ROBO1: variants seen among roughly 807,000 people sequenced by gnomAD.
ROBO1 encodes roundabout homolog 1.
In ROBO1, 149 loss-of-function variants were observed where a neutral mutation model predicts 195.9. The ratio of observed to expected loss-of-function variants is 0.76; its 90% CI spans 0.67 to 0.87. ROBO1 has a LOEUF of 0.87. ROBO1 is among the 40% of genes least tolerant of loss of function. The pLI is 0.00. For missense variants in ROBO1, 1,933 were observed against 2,068.3 expected, an observed-to-expected ratio of 0.93 and a Z score of 1.27; for synonymous variants, 816 against 733.2, an observed-to-expected ratio of 1.11 and a Z score of -1.82.
At chr3:79,088,783 T>G (rs1371770686) in intron 3 of ROBO1, among the ~76,000 whole-genome samples, 3 of 152,124 alleles carry the variant, frequency 2.0e-5, no homozygotes, top group Non-Finnish European at 2.9e-5. Context: ...AAGCTTATTT[T>G]GGGAATGCTT....
intron 2 of ROBO1, among the ~76,000 whole-genome samples, chr3:79,237,367 G>T (rs1165301666): frequency 6.6e-6 from 1 of 151,912 alleles, no homozygotes; most frequent in Non-Finnish European, 1.5e-5. Flanking sequence ...TGTAGTCCCA[G>T]CTACTCGGGA....
chr3:79,425,754 A>T (rs1258339433), intron 2 of ROBO1, among the ~76,000 whole-genome samples: 1 of 151,824 alleles, frequency 6.6e-6, no homozygotes, highest in Admixed American at 6.6e-5. Flanking sequence ...TACTCAAAAA[A>T]ATGTAAAATT....
intron 5 of ROBO1, among the ~76,000 whole-genome samples, chr3:78,739,577 A>G (rs919196779): frequency 1.3e-5 from 2 of 152,102 alleles, no homozygotes; most frequent in Non-Finnish European, 2.9e-5. Flanking sequence ...GATAACCTCT[A>G]CTATCTTTTT....
At chr3:79,345,433 C>T (rs1328897930) in intron 2 of ROBO1, among the ~76,000 whole-genome samples, 1 of 152,042 alleles carries the variant, frequency 6.6e-6, no homozygotes, top group Non-Finnish European at 1.5e-5. Flanking sequence ...TTTTATATGA[C>T]TTCTCTTCTT....
At chr3:79,102,395 A>C (rs2079694378) in intron 3 of ROBO1, among the ~76,000 whole-genome samples, 1 of 151,762 alleles carries the variant, frequency 6.6e-6, no homozygotes, top group South Asian at 2.1e-4. Flanking sequence ...AAGTTCTGAG[A>C]GTCCAAGGTT....
At chr3:79,431,508 G>A (rs1575816988) in intron 2 of ROBO1, among the ~76,000 whole-genome samples, 2 of 151,980 alleles carry the variant, frequency 1.3e-5, no homozygotes, top group Non-Finnish European at 2.9e-5. Context: ...CCCTGACTGC[G>A]ATACCATGGT....
chr3:79,101,154 T>G (rs186795191), intron 3 of ROBO1, among the ~76,000 whole-genome samples: 1 of 151,782 alleles, frequency 6.6e-6, no homozygotes, highest in East Asian at 1.9e-4. Flanking sequence ...AACACAGATA[T>G]AGCTACTCTG....
At chr3:79,686,647 A>C (rs1405635159) in intron 1 of ROBO1, among the ~76,000 whole-genome samples, 1 of 152,214 alleles carries the variant, frequency 6.6e-6, no homozygotes, top group East Asian at 1.9e-4. Flanking sequence ...ATACCTAGGA[A>C]TCAAACTTAC....
chr3:79,603,263 G>A (rs937516166), intron 1 of ROBO1, among the ~76,000 whole-genome samples: 1 of 137,202 alleles, frequency 7.3e-6, no homozygotes, highest in Non-Finnish European at 1.5e-5. Context: ...TCATCAGGGA[G>A]ACCAGGCAGT....
chr3:79,589,834 C>T lies in ROBO1; in HGVS notation c.78G>A (p.Gln26=), dbSNP rs540652172. The T allele has an allele frequency of 9.3e-6, 15 of 1,610,382 alleles. No individual in the cohort carries two copies. The East Asian group carries it at 3.4e-4, about 36-fold the overall frequency. Residue 26 remains glutamine (Q), a synonymous_variant, in exon 2 of 31, where the codon CAG becomes CAA. Coordinates refer to ENST00000464233, the MANE Select transcript of ROBO1 (RefSeq NM_002941.4). ...SLSPNHLFLA[Q]LIPDPEDVER... The stretch of plus-strand genomic sequence containing the variant: ...ATGCACAGCACTTACCTGGAATAAG[C>T]TGGGCCAGAAACAGGTGATTTGGGG...
chr3:79,462,464 G>A (rs866921669), intron 2 of ROBO1, among the ~76,000 whole-genome samples: 19 of 152,214 alleles, frequency 1.2e-4, no homozygotes, highest in African/African-American at 4.6e-4. Context: ...AATAGAATAT[G>A]AGGTGACACA....
chr3:78,662,700 A>C (rs7635300), intron 14 of ROBO1, among the ~76,000 whole-genome samples: 5,779 of 152,280 alleles, frequency 0.038, 201 homozygotes, highest in African/African-American at 0.094. Context: ...AAGTAAAATA[A>C]AATAAAGCTG....
intron 4 of ROBO1, among the ~76,000 whole-genome samples, chr3:78,924,077 G>C (rs73120636): frequency 0.014 from 2,195 of 151,800 alleles, 27 homozygotes; most frequent in Non-Finnish European, 0.025. Context: ...ACATGTATAA[G>C]TATGTATACA....
At chr3:79,173,275 G>A (rs1224517074) in intron 2 of ROBO1, among the ~76,000 whole-genome samples, 2 of 152,172 alleles carry the variant, frequency 1.3e-5, no homozygotes, top group African/African-American at 4.8e-5. Flanking sequence ...TGCACTGTGG[G>A]AGCCCCTTCC....
At chr3:79,396,036 G>A (rs2037142402) in intron 2 of ROBO1, among the ~76,000 whole-genome samples, 3 of 151,964 alleles carry the variant, frequency 2.0e-5, no homozygotes, top group African/African-American at 7.2e-5. Context: ...TACCTCTTTG[G>A]CAAAATGAAT....
chr3:78,941,986 G>A (rs2040169061), intron 3 of ROBO1, among the ~76,000 whole-genome samples: 1 of 152,052 alleles, frequency 6.6e-6, no homozygotes, highest in South Asian at 2.1e-4. Context: ...GAATTAGTGA[G>A]GACCCGTTTC....
At chr3:79,388,587 G>T (rs2036838439) in intron 2 of ROBO1, among the ~76,000 whole-genome samples, 1 of 152,086 alleles carries the variant, frequency 6.6e-6, no homozygotes, top group African/African-American at 2.4e-5. Context: ...GGTCAGAACA[G>T]TTGGCCCTAT....
chr3:79,417,166 G>C (rs2038039493), intron 2 of ROBO1, among the ~76,000 whole-genome samples: 1 of 152,088 alleles, frequency 6.6e-6, no homozygotes, highest in Non-Finnish European at 1.5e-5. Flanking sequence ...GAAGGGGGTG[G>C]AAATGATGCT....
chr3:78,838,088 G>A (rs1283826603), intron 4 of ROBO1, among the ~76,000 whole-genome samples: 3 of 152,164 alleles, frequency 2.0e-5, no homozygotes, highest in South Asian at 2.1e-4. Context: ...ACATAAGGAA[G>A]CTGATCATAA....
Sources: allele counts gnomAD v4.1 joint callset (sites outside exome capture counted in the v4.1 genomes callset), GRCh38; gene constraint gnomAD v4.1.1; transcripts MANE v1.5; gene names NCBI Gene and HGNC (gene_info 2026-07-23, HGNC 2026-07-21).